The following ZMIZ1 variants were observed in gnomAD, a reference collection of about 807,000 sequenced individuals.
The protein encoded by ZMIZ1 is zinc finger MIZ-type containing 1, also known as zinc finger MIZ domain-containing protein 1.
In ZMIZ1, 17 loss-of-function variants were observed where a neutral mutation model predicts 113.9. The ratio of observed to expected loss-of-function variants is 0.15; its 90% CI spans 0.10 to 0.22. The LOEUF (loss-of-function observed/expected upper bound fraction) is 0.22, where lower values mean the gene tolerates loss of function less well. Ranked by LOEUF, ZMIZ1 falls within the 10% of genes least tolerant of loss-of-function variation. ZMIZ1 has a pLI of 1.00. For synonymous variants in ZMIZ1, 607 were observed against 603.1 expected, an observed-to-expected ratio of 1.01 and a Z score of -0.09; for missense variants, 1,059 against 1,477.8, an observed-to-expected ratio of 0.72 and a Z score of 4.65.
chr10:79,157,688 C>T (rs1845957312), intron 3 of ZMIZ1, among the ~76,000 whole-genome samples: 1 of 152,202 alleles, frequency 6.6e-6, no homozygotes, highest in South Asian at 2.1e-4. Flanking sequence ...TCTGGATCCC[C>T]ACCCCCAGCT....
chr10:79,127,290 C>G (rs1049933552), intron 2 of ZMIZ1, among the ~76,000 whole-genome samples: 1 of 152,174 alleles, frequency 6.6e-6, no homozygotes, highest in Non-Finnish European at 1.5e-5. Flanking sequence ...TTTGCAGAGC[C>G]TCCACTGACC....
chr10:79,271,055 C>G (rs532380725), intron 7 of ZMIZ1, among the ~76,000 whole-genome samples: 1 of 152,298 alleles, frequency 6.6e-6, no homozygotes, highest in East Asian at 1.9e-4. Flanking sequence ...GCAGGACACT[C>G]GATGTCCTCA....
intron 18 of ZMIZ1, among the ~76,000 whole-genome samples, chr10:79,303,602 G>A (rs1854482258): frequency 6.6e-6 from 1 of 152,168 alleles, no homozygotes; most frequent in Non-Finnish European, 1.5e-5. Context: ...GATTCCAGCA[G>A]GCAGCTGTCC....
Position 79,296,825 on chromosome 10 carries a change from G to A in ZMIZ1, c.1413+172G>A, listed in dbSNP as rs1853929365. 4 of 498,548 alleles carry A rather than the reference G, an allele frequency of 8.0e-6. No individual in the cohort carries two copies. Among genetic ancestry groups the A allele is most frequent in the Non-Finnish European group, 1.0e-5 (3 of 298,484 alleles). 30.9% of individuals were successfully genotyped at this position (498,548 alleles called of 1,614,324 possible). A position where few individuals can be genotyped will look rare whatever the true frequency, so the allele number is the denominator to read the frequency against. On this transcript the variant is annotated intron_variant, in intron 13 of 24. Transcript: ENST00000334512. This position sits in a 1 kb window ranked among gnomAD's most constrained non-coding sequence, Gnocchi z 4.1. ...CAGGGCGAAGTTCGGTGGCCAGAAT[G>A]TCAGAGTGGCTTTTCTCAGTTCCTA...
chr10:79,273,340 G>C (rs1251389502), intron 7 of ZMIZ1, among the ~76,000 whole-genome samples: 1 of 147,210 alleles, frequency 6.8e-6, no homozygotes, highest in Non-Finnish European at 1.5e-5. Flanking sequence ...CCTGCTTCTT[G>C]GTTTCTTTTT....
intron 7 of ZMIZ1, among the ~76,000 whole-genome samples, chr10:79,238,050 C>T (rs750275419): frequency 2.6e-5 from 4 of 152,232 alleles, no homozygotes; most frequent in Non-Finnish European, 2.9e-5. Flanking sequence ...CAAGCCCTAC[C>T]GGCTCCCCGC....
chr10:79,266,127 G>A (rs1234329243), intron 7 of ZMIZ1, among the ~76,000 whole-genome samples: 3 of 152,234 alleles, frequency 2.0e-5, no homozygotes, highest in Non-Finnish European at 2.9e-5. Context: ...AGAGAGCAGT[G>A]CCCACCCCCT....
chr10:79,077,751 C>G (rs1471478044), intron 1 of ZMIZ1, among the ~76,000 whole-genome samples: 3 of 152,224 alleles, frequency 2.0e-5, no homozygotes, highest in African/African-American at 7.2e-5. Flanking sequence ...ATCTGTAAAA[C>G]AGGCTTACTA....
At chr10:79,172,612 T>C (rs1846646349) in intron 4 of ZMIZ1, among the ~76,000 whole-genome samples, 1 of 152,138 alleles carries the variant, frequency 6.6e-6, no homozygotes, top group Non-Finnish European at 1.5e-5. Context: ...GGAACTTGGG[T>C]CCTTTGACCC....
intron 6 of ZMIZ1, among the ~76,000 whole-genome samples, chr10:79,212,615 A>T (rs1848569773): frequency 6.6e-6 from 1 of 152,106 alleles, no homozygotes; most frequent in African/African-American, 2.4e-5. Flanking sequence ...AATTAGCTGG[A>T]CGTGGTGGCA....
chr10:79,099,744 ACTTGGG>A (rs1717883827), intron 1 of ZMIZ1, among the ~76,000 whole-genome samples: 1 of 152,138 alleles, frequency 6.6e-6, no homozygotes, highest in Admixed American at 6.5e-5. Flanking sequence ...ACCCCCTGTG[ACTTGGG>A]CTTGGAGGAA....
chr10:79,092,125 C>T (rs1843000570), intron 1 of ZMIZ1, among the ~76,000 whole-genome samples: 3 of 152,288 alleles, frequency 2.0e-5, no homozygotes, highest in African/African-American at 7.2e-5. Context: ...CAGGCTTGGT[C>T]TGGCTACTCC....
intron 18 of ZMIZ1, 67 bp from the exon 19 acceptor site, chr10:79,303,948 G>A (rs544451181): frequency 3.8e-6 from 6 of 1,594,064 alleles, no homozygotes; most frequent in African/African-American, 2.7e-5. Flanking sequence ...TGGGGAGCAC[G>A]TGCAGACCCC....
intron 2 of ZMIZ1, among the ~76,000 whole-genome samples, chr10:79,126,029 C>G (rs1844494776): frequency 6.6e-6 from 1 of 152,166 alleles, no homozygotes; most frequent in South Asian, 2.1e-4. Context: ...TGTGGAGAGC[C>G]ACCCAGAACT....
At chr10:79,299,225 G>T (rs1309745669) in intron 16 of ZMIZ1, 34 bp downstream of exon 16, 2 of 1,576,372 alleles carry the variant, frequency 1.3e-6, no homozygotes, top group Non-Finnish European at 1.7e-6. Flanking sequence ...AGCCCAGGCG[G>T]GATGAAGGAG....
intron 1 of ZMIZ1, among the ~76,000 whole-genome samples, chr10:79,114,434 C>G (rs551464662): frequency 2.7e-5 from 4 of 150,136 alleles, no homozygotes; most frequent in African/African-American, 9.8e-5. Context: ...GGGTTCAGAG[C>G]CAGCCACAGC....
At chr10:79,300,530 T>G (rs544994537) in intron 16 of ZMIZ1, among the ~76,000 whole-genome samples, 1 of 151,976 alleles carries the variant, frequency 6.6e-6, no homozygotes. Context: ...TGCGGGGGTC[T>G]TGGGGGCAGT....
intron 23 of ZMIZ1, among the ~76,000 whole-genome samples, chr10:79,309,883 C>T (rs11002919): frequency 0.023 from 3,515 of 152,248 alleles, 129 homozygotes; most frequent in African/African-American, 0.08. Flanking sequence ...ACTGGCAGAG[C>T]GAAAGTGGGG....
At chr10:79,238,250 A>T (rs781258427) in intron 7 of ZMIZ1, among the ~76,000 whole-genome samples, 2 of 152,126 alleles carry the variant, frequency 1.3e-5, no homozygotes, top group South Asian at 4.2e-4. Context: ...TACTGAGTGG[A>T]GGTGTGGGGC....
Sources: allele counts gnomAD v4.1 joint callset (sites outside exome capture counted in the v4.1 genomes callset), GRCh38; gene constraint gnomAD v4.1.1; non-coding constraint Gnocchi (gnomAD v3.1); transcripts MANE v1.5; gene names NCBI Gene and HGNC (gene_info 2026-07-23, HGNC 2026-07-21).